Variants in SPIDR observed in about 807,000 individuals in gnomAD.
The protein encoded by SPIDR is DNA repair-scaffolding protein.
SPIDR carries 93 observed loss-of-function variants against 104.6 expected under a neutral mutation model. The ratio of observed to expected loss-of-function variants is 0.89; its 90% CI spans 0.75 to 1.06. The LOEUF is 1.06. Among genes scored for constraint, SPIDR ranks in the 50% least tolerant of loss-of-function variants. The pLI, the probability that SPIDR is intolerant of heterozygous loss-of-function variation, is 0.00. For synonymous variants in SPIDR, 431 were observed against 416.9 expected, an observed-to-expected ratio of 1.03 and a Z score of -0.41; for missense variants, 1,154 against 1,111.2, an observed-to-expected ratio of 1.04 and a Z score of -0.55.
chr8:47,646,217 A>G (rs2070324332), intron 10 of SPIDR, among the ~76,000 whole-genome samples: 1 of 152,090 alleles, frequency 6.6e-6, no homozygotes, highest in Non-Finnish European at 1.5e-5. Flanking sequence ...TAACACTATT[A>G]TTTTTCCCCT....
intron 8 of SPIDR, among the ~76,000 whole-genome samples, chr8:47,510,334 G>A (rs747905238): frequency 1.1e-4 from 16 of 152,350 alleles, no homozygotes; most frequent in Non-Finnish European, 1.8e-4. Flanking sequence ...GTCTTACTGA[G>A]TACAGTTCTT....
intron 8 of SPIDR, among the ~76,000 whole-genome samples, chr8:47,472,735 T>G (rs2075870745): frequency 6.6e-6 from 1 of 152,210 alleles, no homozygotes; most frequent in African/African-American, 2.4e-5. Context: ...TAATTACCTG[T>G]CAGAGATATA....
At chr8:47,327,304 A>G (rs1021851727) in intron 5 of SPIDR, among the ~76,000 whole-genome samples, 14 of 151,878 alleles carry the variant, frequency 9.2e-5, no homozygotes, top group Middle Eastern at 3.4e-3. Context: ...GTGTTATAAG[A>G]GAATGATCTA....
chr8:47,511,866 C>A, intron 8 of SPIDR: 2 of 825,886 alleles, frequency 2.4e-6, no homozygotes, highest in Non-Finnish European at 4.3e-6. Context: ...CGGCATAAAA[C>A]CTCTGGCCTT....
rs908680944 is a variant in SPIDR at position 47,592,042 on chromosome 8, T to A, written c.1098-3769T>A. 1.9e-5 allele frequency: 17 copies of A among 890,980 alleles called. No individual in the cohort carries two copies. In the African/African-American group the frequency reaches 2.6e-4, roughly 14 times the overall value. The allele number at this position is 890,980 out of a possible 1,614,324, so 55.2% of individuals were successfully genotyped here. On this transcript the variant is annotated intron_variant, in intron 8 of 19. Transcript: ENST00000297423. ...AGGACTGAAGATGTCTGGGCTTTTT[T>A]ATTCAGTAATGTTTCTAAGACTGTG...
At chr8:47,501,686 T>C (rs1199707280) in intron 8 of SPIDR, among the ~76,000 whole-genome samples, 1 of 152,310 alleles carries the variant, frequency 6.6e-6, no homozygotes, top group Admixed American at 6.5e-5. Flanking sequence ...CCATGTTGAA[T>C]AGGAGTGGTG....
intron 10 of SPIDR, among the ~76,000 whole-genome samples, chr8:47,621,266 G>T (rs779004130): frequency 1.3e-5 from 2 of 152,184 alleles, no homozygotes; most frequent in Non-Finnish European, 2.9e-5. Flanking sequence ...ATTCATATGG[G>T]TTTTAGTGTG....
At chr8:47,663,691 A>C (rs1183576831) in intron 10 of SPIDR, among the ~76,000 whole-genome samples, 1 of 152,234 alleles carries the variant, frequency 6.6e-6, no homozygotes, top group Non-Finnish European at 1.5e-5. Flanking sequence ...AACAGCTCAC[A>C]CTTGTGTACA....
At chr8:47,468,400 G>T (rs1401518047) in intron 8 of SPIDR, among the ~76,000 whole-genome samples, 1 of 152,112 alleles carries the variant, frequency 6.6e-6, no homozygotes, top group Non-Finnish European at 1.5e-5. Context: ...AGCCAAGGCA[G>T]TCCTGAGCAA....
chr8:47,627,615 C>G (rs1193428071), intron 10 of SPIDR, among the ~76,000 whole-genome samples: 1 of 152,178 alleles, frequency 6.6e-6, no homozygotes, highest in Non-Finnish European at 1.5e-5. Context: ...TCTCTTCCTT[C>G]TATGTGTTAT....
chr8:47,725,747 G>A (rs2084136828), intron 16 of SPIDR, among the ~76,000 whole-genome samples: 1 of 152,212 alleles, frequency 6.6e-6, no homozygotes, highest in Non-Finnish European at 1.5e-5. Context: ...ATTTAGGGTT[G>A]CCAGAAAAGA....
intron 5 of SPIDR, among the ~76,000 whole-genome samples, chr8:47,384,207 G>GC (rs1262825836): frequency 5.9e-5 from 9 of 152,082 alleles, no homozygotes; most frequent in Non-Finnish European, 1.0e-4. Context: ...AGCCCACCCA[G>GC]CCCCCTCAGT....
At chr8:47,688,837 T>A (rs2078221326) in intron 11 of SPIDR, among the ~76,000 whole-genome samples, 1 of 152,248 alleles carries the variant, frequency 6.6e-6, no homozygotes, top group Admixed American at 6.5e-5. Flanking sequence ...CATTATTTGG[T>A]ACACTTAGGT....
chr8:47,468,542 T>G (rs1024166804), intron 8 of SPIDR, among the ~76,000 whole-genome samples: 2 of 151,914 alleles, frequency 1.3e-5, no homozygotes, highest in Admixed American at 6.6e-5. Context: ...AACCCAAAAA[T>G]AAGGCCGCAC....
At chr8:47,641,200 C>T (rs1053170584) in intron 10 of SPIDR, among the ~76,000 whole-genome samples, 1 of 151,962 alleles carries the variant, frequency 6.6e-6, no homozygotes, top group Non-Finnish European at 1.5e-5. Flanking sequence ...CTCACTGTCA[C>T]GCAGACTGGA....
chr8:47,558,832 G>A (rs1044114390), intron 8 of SPIDR, among the ~76,000 whole-genome samples: 3 of 152,104 alleles, frequency 2.0e-5, no homozygotes, highest in Non-Finnish European at 4.4e-5. Context: ...AGTAGAGACA[G>A]GGTTTCACTG....
intron 11 of SPIDR, among the ~76,000 whole-genome samples, chr8:47,683,415 A>C (rs2077340110): frequency 1.3e-5 from 2 of 152,188 alleles, no homozygotes; most frequent in South Asian, 4.1e-4. Context: ...TTTGTTCAGC[A>C]GGGGAGGAGC....
At chr8:47,547,522 G>A (rs369264417) in intron 8 of SPIDR, 32 of 183,294 alleles carry the variant, frequency 1.7e-4, no homozygotes, top group East Asian at 6.9e-4. Context: ...CGCCTCCTGG[G>A]TTTAAGCAAT....
intron 5 of SPIDR, among the ~76,000 whole-genome samples, chr8:47,354,712 G>A (rs554756816): frequency 1.3e-5 from 2 of 151,946 alleles, no homozygotes; most frequent in Admixed American, 6.6e-5. Context: ...TGCAGTCATA[G>A]CACACTGCAG....
Sources: allele counts gnomAD v4.1 joint callset (sites outside exome capture counted in the v4.1 genomes callset), GRCh38; gene constraint gnomAD v4.1.1; transcripts MANE v1.5; gene names NCBI Gene and HGNC (gene_info 2026-07-23, HGNC 2026-07-21).